RAB3C: variants seen among roughly 807,000 people sequenced by gnomAD.
RAB3C encodes ras-related protein Rab-3C.
Under a neutral mutation model 26.4 loss-of-function variants are expected in RAB3C, and 17 were observed. The observed-to-expected ratio is 0.64, with a 90% CI of 0.44 to 0.97. The LOEUF (loss-of-function observed/expected upper bound fraction) is 0.97. Ranked by LOEUF, RAB3C falls within the 50% of genes least tolerant of loss-of-function variation. RAB3C has a pLI of 0.00. For missense variants in RAB3C, 242 were observed against 281.9 expected (o/e 0.86, Z 1.01); for synonymous variants, 91 against 95.9 (o/e 0.95, Z 0.30).
rs1370998208 is a variant in RAB3C, at chr5:58,859,222, T to A, written c.*7871T>A. 1 of 152,244 alleles carries A rather than the reference T, an allele frequency of 6.6e-6. No homozygotes were observed. Among genetic ancestry groups the A allele is most frequent in the African/African-American group, 2.4e-5 (1 of 41,476 alleles). 9.4% of individuals were successfully genotyped at this position (152,244 alleles called of 1,614,324 possible). On this transcript the variant is annotated 3_prime_UTR_variant, in exon 5 of 5. Transcript: ENST00000282878. ...GTGGGTTTAAAGCTATGAAGTGTAT[T>A]CACATTGTGAAGTTTTAATTATCTT...
rs758296960 is a variant in RAB3C, at chr5:58,851,238, A to G, written c.571A>G (p.Ile191Val). The G allele has an allele frequency of 4.8e-5, 77 of 1,613,900 alleles. No individual in the cohort carries two copies. ...KQTFERLVDIICDKMSESLET... is the reference protein window; with the variant it reads ...KQTFERLVDIVCDKMSESLET... ...GACATTTGAGCGCCTTGTGGATATC[A>G]TCTGCGACAAAATGTCAGAGAGTTT... The change falls in exon 5 of 5, where the codon ATC becomes GTC. Residue 191 changes from isoleucine to valine, a missense_variant. Ile to Val is a conservative substitution (Grantham distance 29). Coordinates refer to ENST00000282878, the MANE Select transcript of RAB3C (RefSeq NM_138453.4).
chr5:58,823,187 A>G, intron 3 of RAB3C: 1 of 341,144 alleles, frequency 2.9e-6, no homozygotes, highest in South Asian at 2.6e-5. Flanking sequence ...CTTTCCGTTC[A>G]TAAAGAACAG....
chr5:58,688,936 G>A (rs1748504056), intron 2 of RAB3C, among the ~76,000 whole-genome samples: 1 of 151,984 alleles, frequency 6.6e-6, no homozygotes, highest in Non-Finnish European at 1.5e-5. Context: ...GTAGTGAGTT[G>A]GATATACATC....
intron 3 of RAB3C, among the ~76,000 whole-genome samples, chr5:58,804,364 C>G (rs576308304): frequency 6.6e-6 from 1 of 152,184 alleles, no homozygotes. Flanking sequence ...GGCCTCTAAT[C>G]TTGCAGAGTC....
At chr5:58,671,322 A>C (rs1561284709) in intron 2 of RAB3C, among the ~76,000 whole-genome samples, 1 of 152,192 alleles carries the variant, frequency 6.6e-6, no homozygotes, top group Non-Finnish European at 1.5e-5. Flanking sequence ...AGGAAAGTTC[A>C]ATAATGTGCT....
chr5:58,635,319 G>A (rs967246741), intron 2 of RAB3C, among the ~76,000 whole-genome samples: 2 of 152,222 alleles, frequency 1.3e-5, no homozygotes, highest in African/African-American at 2.4e-5. Context: ...GTTACATGGG[G>A]AGGTTGCTGT....
At chr5:58,827,465 T>C (rs974893301) in intron 4 of RAB3C, among the ~76,000 whole-genome samples, 11 of 152,224 alleles carry the variant, frequency 7.2e-5, no homozygotes, top group African/African-American at 2.7e-4. Flanking sequence ...TTTAACACTC[T>C]AATAAATTAC....
chr5:58,783,076 T>C (rs183071820), intron 3 of RAB3C, among the ~76,000 whole-genome samples: 2 of 152,284 alleles, frequency 1.3e-5, no homozygotes, highest in East Asian at 3.9e-4. Context: ...TATATTTTTG[T>C]CATTAATATA....
At chr5:58,622,495 C>G (rs1436206929) in intron 2 of RAB3C, among the ~76,000 whole-genome samples, 1 of 152,162 alleles carries the variant, frequency 6.6e-6, no homozygotes, top group African/African-American at 2.4e-5. Flanking sequence ...GGGGCAGTCT[C>G]TGTCACTAAT....
rs758148105 is a variant in RAB3C, at chr5:58,726,097, A to C, written c.348A>C (p.Glu116Asp). 3 of 1,587,852 alleles carry C rather than the reference A, an allele frequency of 1.9e-6. No homozygotes were observed. Among genetic ancestry groups the C allele is most frequent in the South Asian group, 1.1e-5 (1 of 89,764 alleles). ...TAATGTATGACATTACAAATGAAGA[A>C]TCCTTCAATGCAGTACAAGATTGGT... ...FILMYDITNEESFNAVQDWST... is the reference protein window; with the variant it reads ...FILMYDITNEDSFNAVQDWST... Residue 116 changes from glutamate (E) to aspartate (D), a missense_variant, in exon 3 of 5, where the codon GAA becomes GAC. Transcript: ENST00000282878.
intron 3 of RAB3C, among the ~76,000 whole-genome samples, chr5:58,796,038 A>G (rs903825205): frequency 2.6e-5 from 4 of 152,158 alleles, no homozygotes; most frequent in Non-Finnish European, 5.9e-5. Flanking sequence ...CATCTCCTCC[A>G]ATCAGGTTCA....
chr5:58,831,613 T>C (rs538091808), intron 4 of RAB3C, among the ~76,000 whole-genome samples: 34 of 152,188 alleles, frequency 2.2e-4, no homozygotes, highest in Admixed American at 5.2e-4. Flanking sequence ...TTAAGGCGGT[T>C]CTCATCTGAA....
intron 1 of RAB3C, among the ~76,000 whole-genome samples, chr5:58,596,062 C>A (rs556057692): frequency 1.3e-5 from 2 of 152,100 alleles, no homozygotes; most frequent in African/African-American, 4.8e-5. Flanking sequence ...GACTTTCAAC[C>A]AATTCTCTTG....
intron 1 of RAB3C, among the ~76,000 whole-genome samples, chr5:58,606,414 C>T (rs537519853): frequency 1.1e-4 from 16 of 152,328 alleles, no homozygotes; most frequent in African/African-American, 2.9e-4. Context: ...CAGAGCCCAC[C>T]GCAGCTCAGC....
chr5:58,828,324 C>A (rs10077477), intron 4 of RAB3C, among the ~76,000 whole-genome samples: 9,056 of 152,126 alleles, frequency 0.06, 358 homozygotes, highest in East Asian at 0.12. Flanking sequence ...CTTTGAGCAC[C>A]CCTCCTTACT....
intron 1 of RAB3C, among the ~76,000 whole-genome samples, chr5:58,611,855 T>C (rs184691503): frequency 5.3e-5 from 8 of 152,268 alleles, no homozygotes; most frequent in Non-Finnish European, 1.2e-4. Flanking sequence ...CCAGGGTTTT[T>C]ATAGTTGTGT....
chr5:58,800,060 G>A (rs1409447920), intron 3 of RAB3C, among the ~76,000 whole-genome samples: 1 of 152,222 alleles, frequency 6.6e-6, no homozygotes, highest in Admixed American at 6.5e-5. Context: ...GGTAATACGT[G>A]CTCCACGTCC....
rs894471827 is a variant in RAB3C at position 58,695,890 on chromosome 5, A to G, written c.253-30112A>G. ...CAAAAAGGGACAATTTTACTTCCTC[A>G]TTTCCTAATTGAATACCCTTTATTT... On this transcript the variant is annotated intron_variant, in intron 2 of 4. Transcript: ENST00000282878. Among the ~76,000 whole-genome samples the G allele has an allele frequency of 2.6e-5, 4 of 151,858 alleles. No individual in the cohort carries two copies. In the South Asian group the frequency reaches 8.3e-4, roughly 32 times the overall value.
In RAB3C at chr5:58,851,375, C is replaced by T. The variant is rs745540450; in HGVS notation, c.*24C>T. 1 of 1,546,980 alleles carries T rather than the reference C, an allele frequency of 6.5e-7. No homozygotes were observed. The highest frequency in any genetic ancestry group is 1.3e-5 in the South Asian group (1 of 79,700). ...AGTGTCCCCGTGCACACAGGCAGCTCCAGGGGGCTCTGGTTGCCAACAAAC... is the reference window on the plus strand; with the variant it reads ...AGTGTCCCCGTGCACACAGGCAGCTTCAGGGGGCTCTGGTTGCCAACAAAC... On this transcript the variant is annotated 3_prime_UTR_variant, in exon 5 of 5. Coordinates refer to ENST00000282878, the MANE Select transcript of RAB3C (RefSeq NM_138453.4).
Sources: allele counts gnomAD v4.1 joint callset (sites outside exome capture counted in the v4.1 genomes callset), GRCh38; gene constraint gnomAD v4.1.1; transcripts MANE v1.5; gene names NCBI Gene and HGNC (gene_info 2026-07-23, HGNC 2026-07-21).